The following PRKG1 variants were observed in gnomAD, a reference collection of about 807,000 sequenced individuals.
The protein encoded by PRKG1 is protein kinase cGMP-dependent 1.
A neutral mutation model predicts 88.1 loss-of-function variants in PRKG1; 35 were observed. That is an observed-to-expected ratio of 0.40 (90% CI 0.30 to 0.53). The LOEUF (loss-of-function observed/expected upper bound fraction) is 0.53, where lower values mean the gene tolerates loss of function less well. PRKG1 is among the 20% of genes least tolerant of loss of function. The pLI is 0.59. For missense variants in PRKG1, 540 were observed against 839.8 expected (o/e 0.64, Z 4.41); for synonymous variants, 303 against 292.5 (o/e 1.04, Z -0.37).
At chr10:51,646,900 C>T (rs990254684) in intron 3 of PRKG1, among the ~76,000 whole-genome samples, 2 of 151,982 alleles carry the variant, frequency 1.3e-5, no homozygotes, top group Admixed American at 1.3e-4. Context: ...TCTACTTGCC[C>T]ACTTAATTCA....
Position 51,639,430 on chromosome 10 carries a change from C to G in PRKG1, c.593-165155C>G, listed in dbSNP as rs1343339797. 2.4e-4 allele frequency among the ~76,000 whole-genome samples: 21 copies of G among 87,822 alleles called. No individual in the cohort carries two copies. The Admixed American group carries it at 4.1e-3, about 17-fold the overall frequency. The allele number at this position is 87,822 out of a possible 152,430, so 57.6% of individuals were successfully genotyped here. On this transcript the variant is annotated intron_variant, in intron 3 of 17. Coordinates refer to ENST00000373980, the MANE Select transcript of PRKG1 (RefSeq NM_006258.4). ...GCCTGGGCGGCGACAGAGCCAGACT[C>G]CATCTCAAAAAAAAAAAAAAAAAAA...
chr10:51,217,240 AT>A (rs1021668480), intron 2 of PRKG1, among the ~76,000 whole-genome samples: 1 of 152,182 alleles, frequency 6.6e-6, no homozygotes, highest in African/African-American at 2.4e-5. Context: ...ACCTGGAAAT[AT>A]TCTCTGAGTT....
At chr10:51,978,589 A>G (rs564611699) in intron 5 of PRKG1, among the ~76,000 whole-genome samples, 3 of 152,224 alleles carry the variant, frequency 2.0e-5, no homozygotes, top group African/African-American at 4.8e-5. Context: ...CTTCCTATCC[A>G]TAAGCATGGA....
At chr10:51,004,593 C>T (rs928305838) in intron 1 of PRKG1, among the ~76,000 whole-genome samples, 15 of 152,024 alleles carry the variant, frequency 9.9e-5, no homozygotes, top group Admixed American at 7.2e-4. Context: ...TTAGTGGAAA[C>T]GTGGAAGGTT....
chr10:51,273,168 C>A (rs1840025051), intron 2 of PRKG1, among the ~76,000 whole-genome samples: 1 of 151,906 alleles, frequency 6.6e-6, no homozygotes, highest in South Asian at 2.1e-4. Flanking sequence ...GCATGAAATC[C>A]CTGCTATCTT....
intron 3 of PRKG1, among the ~76,000 whole-genome samples, chr10:51,593,308 GAAAAACA>G (rs10586311): frequency 0.071 from 10,840 of 151,896 alleles, 1,242 homozygotes; most frequent in African/African-American, 0.24. Context: ...CCTATACTGA[GAAAAACA>G]AAAAACAAAA....
In PRKG1 at chr10:51,034,669, TATATATATATATATA is replaced by T. The variant is rs1311285328; in HGVS notation, c.266+43026_266+43040del. On this transcript the variant is annotated intron_variant, in intron 1 of 17. Coordinates refer to the PRKG1 transcript ENST00000401604. The stretch of plus-strand genomic sequence containing the variant: ...GCAAAATTATATATAATATGTTATT[TATATATATATATATA>T]TATATATATATATATATATATATGC... Among the ~76,000 whole-genome samples, 28 of 29,224 alleles carry T rather than the reference TATATATATATATATA, an allele frequency of 9.6e-4. 1 individual carries two copies. The South Asian group carries it at 0.014, about 15-fold the overall frequency. The allele number at this position is 29,224 out of a possible 152,430, so 19.2% of individuals were successfully genotyped here. A position where few individuals can be genotyped will look rare whatever the true frequency, so the allele number is the denominator to read the frequency against.
chr10:52,207,959 T>C (rs1231769364), intron 9 of PRKG1, among the ~76,000 whole-genome samples: 1 of 152,160 alleles, frequency 6.6e-6, no homozygotes, highest in African/African-American at 2.4e-5. Flanking sequence ...CATCTAGTAG[T>C]CCTTCTTGGT....
intron 9 of PRKG1, among the ~76,000 whole-genome samples, chr10:52,224,842 T>TATATATATATATATATAAAA: frequency 6.9e-6 from 1 of 144,166 alleles, no homozygotes; most frequent in Non-Finnish European, 1.5e-5. Flanking sequence ...TATATATACA[T>TATATATATATATATATAAAA]ACATACATAC....
chr10:52,019,721 T>C (rs1269726123), intron 5 of PRKG1, among the ~76,000 whole-genome samples: 1 of 152,204 alleles, frequency 6.6e-6, no homozygotes, highest in South Asian at 2.1e-4. Flanking sequence ...GCTTATACTC[T>C]TAGCCATAAA....
chr10:51,972,365 T>C (rs1215688074), intron 5 of PRKG1, among the ~76,000 whole-genome samples: 1 of 152,190 alleles, frequency 6.6e-6, no homozygotes, highest in East Asian at 1.9e-4. Context: ...GCAGCAATGC[T>C]GTTCTTGAGC....
At chr10:51,344,697 T>C (rs1164963791) in intron 2 of PRKG1, among the ~76,000 whole-genome samples, 6 of 152,096 alleles carry the variant, frequency 3.9e-5, no homozygotes, top group Non-Finnish European at 8.8e-5. Context: ...AAATGTAATA[T>C]AAAATGGGAA....
intron 2 of PRKG1, among the ~76,000 whole-genome samples, chr10:51,209,959 C>T (rs1838167770): frequency 6.6e-6 from 1 of 152,096 alleles, no homozygotes; most frequent in Non-Finnish European, 1.5e-5. Flanking sequence ...TTTTTCAAAT[C>T]ATACTTTCTT....
intron 9 of PRKG1, among the ~76,000 whole-genome samples, chr10:52,193,803 C>T (rs1023812018): frequency 2.0e-5 from 3 of 152,172 alleles, no homozygotes; most frequent in East Asian, 1.9e-4. Context: ...GATTCAAATA[C>T]AATTAACTTG....
chr10:51,247,634 G>A (rs944106963), intron 2 of PRKG1, among the ~76,000 whole-genome samples: 1 of 151,820 alleles, frequency 6.6e-6, no homozygotes, highest in Non-Finnish European at 1.5e-5. Flanking sequence ...AATCCTCAGG[G>A]GCCAGCATAG....
At chr10:51,861,270 G>A (rs907314809) in intron 4 of PRKG1, among the ~76,000 whole-genome samples, 3 of 152,096 alleles carry the variant, frequency 2.0e-5, no homozygotes, top group African/African-American at 7.3e-5. Flanking sequence ...TAGAAAAATA[G>A]AATTTATGTA....
chr10:51,519,505 A>G (rs1234353933), intron 3 of PRKG1, among the ~76,000 whole-genome samples: 1 of 152,108 alleles, frequency 6.6e-6, no homozygotes, highest in Non-Finnish European at 1.5e-5. Flanking sequence ...GAGGGGGGAA[A>G]TCTGGGCCAG....
At chr10:51,481,259 T>C (rs1264284088) in intron 3 of PRKG1, among the ~76,000 whole-genome samples, 2 of 144,376 alleles carry the variant, frequency 1.4e-5, no homozygotes, top group African/African-American at 2.5e-5. Context: ...TCTCTTTCTG[T>C]CTTTCTTTCT....
At chr10:51,098,486 A>G (rs1844598816) in intron 1 of PRKG1, among the ~76,000 whole-genome samples, 1 of 152,190 alleles carries the variant, frequency 6.6e-6, no homozygotes, top group Admixed American at 6.5e-5. Flanking sequence ...AGCAAAGTGA[A>G]TTGGTAGAGA....
Sources: gnomAD v4.1 joint callset for allele counts (sites outside exome capture counted in the v4.1 genomes callset) on GRCh38, gnomAD v4.1.1 for gene constraint, MANE v1.5 for transcripts, NCBI Gene and HGNC (gene_info 2026-07-23, HGNC 2026-07-21) for gene names.